The following USP34 variants were observed in gnomAD, a reference collection of about 807,000 sequenced individuals.
USP34 encodes the protein ubiquitin carboxyl-terminal hydrolase 34.
USP34 carries 70 observed loss-of-function variants against 460.3 expected under a neutral mutation model. The observed-to-expected ratio is 0.15, with a 90% CI of 0.13 to 0.19. The LOEUF (loss-of-function observed/expected upper bound fraction) is 0.19. Among genes scored for constraint, USP34 ranks in the 10% least tolerant of loss-of-function variants. The pLI, the probability that USP34 is intolerant of heterozygous loss-of-function variation, is 1.00. For missense variants in USP34, 3,985 were observed against 4,236.2 expected (o/e 0.94, Z 1.65); for synonymous variants, 1,647 against 1,405.3 (o/e 1.17, Z -3.85).
intron 1 of USP34, among the ~76,000 whole-genome samples, chr2:61,421,079 A>T (rs1465493259): frequency 6.6e-6 from 1 of 152,196 alleles, no homozygotes; most frequent in Non-Finnish European, 1.5e-5. Context: ...TCTCATCTCC[A>T]AAACCAGCCT....
chr2:61,356,476 C>CGT (rs1692109392), intron 10 of USP34, among the ~76,000 whole-genome samples: 2 of 90,328 alleles, frequency 2.2e-5, no homozygotes, highest in South Asian at 4.8e-4. Context: ...GGTGAAAGCG[C>CGT]ACACACACAC....
chr2:61,400,157 T>C (rs1693671054), intron 3 of USP34, among the ~76,000 whole-genome samples: 1 of 151,228 alleles, frequency 6.6e-6, no homozygotes, highest in East Asian at 2.0e-4. Context: ...TTGCCCAGGC[T>C]GGAGTGCAGC....
At chr2:61,312,663 C>G (rs1003808120) in intron 25 of USP34, among the ~76,000 whole-genome samples, 1 of 152,102 alleles carries the variant, frequency 6.6e-6, no homozygotes, top group Non-Finnish European at 1.5e-5. Flanking sequence ...ATATTCAAGA[C>G]CAGAGTTTCT....
chr2:61,312,858 T>A (rs1028283488), intron 25 of USP34, among the ~76,000 whole-genome samples: 5 of 152,216 alleles, frequency 3.3e-5, no homozygotes, highest in Admixed American at 2.6e-4. Context: ...TACTATGTCT[T>A]GGGAAACAAA....
chr2:61,390,464 C>T (rs1693309739), intron 5 of USP34, among the ~76,000 whole-genome samples: 1 of 152,176 alleles, frequency 6.6e-6, no homozygotes, highest in East Asian at 1.9e-4. Flanking sequence ...ACATAAAAAG[C>T]TGCATTTGCA....
chr2:61,200,285 A>G (rs917330247), intron 75 of USP34: 1 of 152,354 alleles, frequency 6.6e-6, no homozygotes, highest in Admixed American at 6.5e-5. Context: ...GTTTTTAAGT[A>G]TCAAAATACT....
At chr2:61,388,237 C>G (rs1008379887) in intron 5 of USP34, among the ~76,000 whole-genome samples, 1 of 151,974 alleles carries the variant, frequency 6.6e-6, no homozygotes, top group Admixed American at 6.6e-5. Flanking sequence ...GAGTAAGACA[C>G]TGTCTCAAAA....
intron 67 of USP34, 42 bp downstream of exon 67, chr2:61,220,268 C>A (rs772637989): frequency 1.4e-6 from 2 of 1,461,192 alleles, no homozygotes; most frequent in Admixed American, 2.1e-5. Context: ...TAACTTTGAA[C>A]AATAAATAAA....
intron 41 of USP34, among the ~76,000 whole-genome samples, chr2:61,271,731 G>A (rs1458810477): frequency 1.3e-5 from 2 of 152,184 alleles, no homozygotes; most frequent in Non-Finnish European, 2.9e-5. Flanking sequence ...CAGTAGTAGT[G>A]ATAGTGGTAG....
At chr2:61,223,419 A>AT (rs1329935205) in intron 62 of USP34, 123 bp from the exon 63 acceptor site, 7 of 989,740 alleles carry the variant, frequency 7.1e-6, no homozygotes, top group East Asian at 2.6e-5. Context: ...TCATAAAATG[A>AT]TTTTTTGCTA....
intron 21 of USP34, among the ~76,000 whole-genome samples, chr2:61,322,225 T>C (rs1690946488): frequency 6.6e-6 from 1 of 152,180 alleles, no homozygotes; most frequent in Non-Finnish European, 1.5e-5. Flanking sequence ...AGCAAGACTC[T>C]GTCTCAAAAC....
intron 39 of USP34, among the ~76,000 whole-genome samples, chr2:61,278,950 C>T (rs67183459): frequency 0.14 from 20,959 of 152,074 alleles, 1,882 homozygotes; most frequent in Middle Eastern, 0.22. Context: ...CTTTACTTCT[C>T]GTTATAACTA....
chr2:61,236,184 C>T lies in USP34; in HGVS notation c.6895G>A (p.Ala2299Thr), dbSNP rs1688064416. ...ACCTTTGCTGTCATTAAGGACACAG[C>T]TTTAGGATCTGGTAATGTACTGGGA... ...CIPSTLPDPK[A>T]VSLMTAKLST... Residue 2299 changes from alanine to threonine, a missense_variant, in exon 55 of 80, where the codon GCT becomes ACT. This residue lies in a region of USP34 where 604 missense variants were observed against 684.8 expected (regional missense o/e 0.88). Transcript: ENST00000398571. 6.2e-7 allele frequency: 1 copy of T among 1,611,752 alleles called. No individual in the cohort carries two copies. The highest frequency in any genetic ancestry group is 8.5e-7 in the Non-Finnish European group (1 of 1,179,204).
At chr2:61,288,966 A>G (rs1689770735) in intron 33 of USP34, 89 bp from the exon 34 acceptor site, 1 of 1,352,864 alleles carries the variant, frequency 7.4e-7, no homozygotes, top group African/African-American at 1.5e-5. Flanking sequence ...CCAGAAAATA[A>G]AAATAATTAT....
chr2:61,367,232 T>G (rs766382872), intron 10 of USP34, among the ~76,000 whole-genome samples: 14 of 152,248 alleles, frequency 9.2e-5, no homozygotes, highest in Non-Finnish European at 1.5e-4. Context: ...AGTACAGTTA[T>G]GACTTCACAT....
intron 5 of USP34, among the ~76,000 whole-genome samples, chr2:61,385,948 G>C (rs1693130612): frequency 6.9e-6 from 1 of 144,672 alleles, no homozygotes; most frequent in African/African-American, 2.6e-5. Flanking sequence ...AGTAAGCTGA[G>C]ATCGTCCCAC....
At chr2:61,436,190 G>A (rs561997248) in intron 1 of USP34, among the ~76,000 whole-genome samples, 9 of 151,884 alleles carry the variant, frequency 5.9e-5, no homozygotes, top group African/African-American at 1.9e-4. Flanking sequence ...AATTGGCTGG[G>A]CACAGTGGCT....
chr2:61,256,726 G>A (rs1033724044), intron 47 of USP34, 147 bp downstream of exon 47: 19 of 660,770 alleles, frequency 2.9e-5, no homozygotes, highest in Non-Finnish European at 4.5e-5. Context: ...TATGGTTGAT[G>A]TTTAACTCTT....
At chr2:61,452,751 T>C (rs1695321429) in intron 1 of USP34, among the ~76,000 whole-genome samples, 1 of 151,288 alleles carries the variant, frequency 6.6e-6, no homozygotes, top group South Asian at 2.1e-4. Context: ...AAGAATTAGC[T>C]GGGCTTGCCA....
Sources: gnomAD v4.1 joint callset for allele counts (sites outside exome capture counted in the v4.1 genomes callset) on GRCh38, gnomAD v4.1.1 for gene constraint, gnomAD v4.1.1 regional missense constraint, MANE v1.5 for transcripts, NCBI Gene and HGNC (gene_info 2026-07-23, HGNC 2026-07-21) for gene names.